The following IMMP2L variants were observed in gnomAD, a reference collection of about 807,000 sequenced individuals.
IMMP2L encodes the protein inner mitochondrial membrane peptidase subunit 2.
Under a neutral mutation model 19.3 loss-of-function variants are expected in IMMP2L, and 18 were observed. The ratio of observed to expected loss-of-function variants is 0.93; its 90% CI spans 0.64 to 1.38. The LOEUF is 1.38. Ranked by LOEUF, IMMP2L falls within the 40% of genes most tolerant of loss-of-function variation. The pLI is 0.00. For synonymous variants in IMMP2L, 76 were observed against 73.0 expected (o/e 1.04, Z -0.21); for missense variants, 233 against 218.2 (o/e 1.07, Z -0.43).
chr7:110,768,980 C>T (rs1450805550), intron 5 of IMMP2L, among the ~76,000 whole-genome samples: 1 of 152,064 alleles, frequency 6.6e-6, no homozygotes, highest in Non-Finnish European at 1.5e-5. Context: ...GAAACATGCA[C>T]AGAATTAGGT....
rs557579335 is a variant in IMMP2L, at chr7:111,417,529, T to G, written c.239+69709A>C. On this transcript the variant is annotated intron_variant, in intron 3 of 5. Coordinates refer to ENST00000405709, the MANE Select transcript of IMMP2L (RefSeq NM_032549.4). Reference sequence around the variant, plus strand: ...CCTTTCCCAACTGTGCTAACTCACATGGGGTCCTGATATGAAGGTTCGTAG... The same window carrying G: ...CCTTTCCCAACTGTGCTAACTCACAGGGGGTCCTGATATGAAGGTTCGTAG... Among the ~76,000 whole-genome samples the G allele has an allele frequency of 8.0e-4, 122 of 151,904 alleles. 2 individuals carry two copies. Among genetic ancestry groups the G allele is most frequent in the South Asian group, 1.7e-3 (8 of 4,816 alleles).
chr7:111,192,875 G>A (rs1809044802), intron 3 of IMMP2L, among the ~76,000 whole-genome samples: 1 of 152,156 alleles, frequency 6.6e-6, no homozygotes, highest in Non-Finnish European at 1.5e-5. Context: ...GAGAGTGGTA[G>A]CTGATGAGGT....
chr7:111,077,411 C>A (rs1045700293), intron 3 of IMMP2L, among the ~76,000 whole-genome samples: 1 of 152,192 alleles, frequency 6.6e-6, no homozygotes, highest in Non-Finnish European at 1.5e-5. Flanking sequence ...CTTTATAGCA[C>A]CATTATCCAC....
At chr7:111,237,840 T>C (rs1562957409) in intron 3 of IMMP2L, among the ~76,000 whole-genome samples, 1 of 151,998 alleles carries the variant, frequency 6.6e-6, no homozygotes, top group Non-Finnish European at 1.5e-5. Flanking sequence ...GCCTTCAAGA[T>C]AAATAACACC....
At chr7:110,880,385 AGC>A (rs1267612780) in intron 5 of IMMP2L, among the ~76,000 whole-genome samples, 1 of 152,148 alleles carries the variant, frequency 6.6e-6, no homozygotes, top group African/African-American at 2.4e-5. Context: ...TTCCAAAAAA[AGC>A]TGTCTTCCAG....
At chr7:111,322,969 T>C (rs1229142246) in intron 3 of IMMP2L, among the ~76,000 whole-genome samples, 1 of 151,862 alleles carries the variant, frequency 6.6e-6, no homozygotes, top group Non-Finnish European at 1.5e-5. Flanking sequence ...GAATGCACCT[T>C]TGTTTTACAC....
chr7:111,251,658 C>A (rs1587045794), intron 3 of IMMP2L, among the ~76,000 whole-genome samples: 1 of 152,212 alleles, frequency 6.6e-6, no homozygotes, highest in East Asian at 1.9e-4. Flanking sequence ...AAACCAAACA[C>A]CACGTGTTCT....
chr7:111,319,036 T>TA (rs1824397705), intron 3 of IMMP2L, among the ~76,000 whole-genome samples: 1 of 152,130 alleles, frequency 6.6e-6, no homozygotes, highest in Admixed American at 6.6e-5. Context: ...ATCCCTGTCC[T>TA]ACCATCCTGG....
At chr7:111,554,967 G>A (rs1791096698) in intron 1 of IMMP2L, among the ~76,000 whole-genome samples, 1 of 151,850 alleles carries the variant, frequency 6.6e-6, no homozygotes, top group Non-Finnish European at 1.5e-5. Flanking sequence ...AATTTTTTTT[G>A]TGAAAAATCA....
At chr7:111,269,615 T>C (rs1818227345) in intron 3 of IMMP2L, among the ~76,000 whole-genome samples, 1 of 151,942 alleles carries the variant, frequency 6.6e-6, no homozygotes, top group South Asian at 2.1e-4. Context: ...TAAATGCAAG[T>C]TTTAATTAAT....
chr7:111,175,732 G>A (rs919473289), intron 3 of IMMP2L, among the ~76,000 whole-genome samples: 1 of 151,756 alleles, frequency 6.6e-6, no homozygotes, highest in Non-Finnish European at 1.5e-5. Flanking sequence ...GATTTCTAGA[G>A]TAATACCCTA....
chr7:110,701,794 G>T (rs1169842844), intron 5 of IMMP2L, among the ~76,000 whole-genome samples: 5 of 152,118 alleles, frequency 3.3e-5, no homozygotes, highest in Non-Finnish European at 7.4e-5. Context: ...AATTTTTAAA[G>T]ATCACAAAAT....
chr7:110,970,467 G>A (rs564700664), intron 3 of IMMP2L, among the ~76,000 whole-genome samples: 2 of 152,110 alleles, frequency 1.3e-5, no homozygotes, highest in Admixed American at 6.5e-5. Flanking sequence ...ATGGAGTTAT[G>A]GCTTTTAAAG....
At chr7:111,291,180 T>C (rs1472296577) in intron 3 of IMMP2L, among the ~76,000 whole-genome samples, 9 of 152,108 alleles carry the variant, frequency 5.9e-5, no homozygotes, top group African/African-American at 1.9e-4. Flanking sequence ...AGATAGTATC[T>C]TGCAATTTGG....
At chr7:111,419,158 T>A (rs1835236271) in intron 3 of IMMP2L, among the ~76,000 whole-genome samples, 1 of 151,778 alleles carries the variant, frequency 6.6e-6, no homozygotes, top group Admixed American at 6.6e-5. Flanking sequence ...AGCTGTAGAA[T>A]AATGTTATTC....
At position 111,071,453 on chromosome 7, in the gene IMMP2L, A is replaced by C. The variant is rs144675764; in HGVS notation, c.240-107888T>G. Among the ~76,000 whole-genome samples the C allele has an allele frequency of 7.1e-3, 1,084 of 152,342 alleles. 12 individuals carry two copies. The highest frequency in any genetic ancestry group is 0.024 in the African/African-American group (1,017 of 41,578). On this transcript the variant is annotated intron_variant, in intron 3 of 5. Transcript: ENST00000405709. ...CATGCACATGAATGTTCATAGCCGC[A>C]CTATTTATAATAGTCAGAACATGAA...
At chr7:111,489,620 C>A (rs985385911) in intron 2 of IMMP2L, among the ~76,000 whole-genome samples, 2 of 152,132 alleles carry the variant, frequency 1.3e-5, no homozygotes, top group African/African-American at 4.8e-5. Flanking sequence ...AGATTTTCTA[C>A]AAAGCAAGAG....
At chr7:110,868,440 T>A (rs1808215308) in intron 5 of IMMP2L, among the ~76,000 whole-genome samples, 2 of 152,098 alleles carry the variant, frequency 1.3e-5, no homozygotes, top group Admixed American at 1.3e-4. Flanking sequence ...CAGTAGGTTA[T>A]ATTTTTATAA....
intron 3 of IMMP2L, among the ~76,000 whole-genome samples, chr7:111,472,171 T>C (rs1283461380): frequency 6.6e-6 from 1 of 152,166 alleles, no homozygotes. Flanking sequence ...AGTTTTGTTG[T>C]GTTTTACTTT....
Sources: allele counts gnomAD v4.1 joint callset (sites outside exome capture counted in the v4.1 genomes callset), GRCh38; gene constraint gnomAD v4.1.1; transcripts MANE v1.5; gene names NCBI Gene and HGNC (gene_info 2026-07-23, HGNC 2026-07-21).